Variants in GLRA3 observed in about 807,000 individuals in gnomAD.
The protein encoded by GLRA3 is glycine receptor alpha 3, also known as glycine receptor subunit alpha-3.
A neutral mutation model predicts 60.4 loss-of-function variants in GLRA3; 44 were observed. The ratio of observed to expected loss-of-function variants is 0.73; its 90% CI spans 0.57 to 0.94. The LOEUF (loss-of-function observed/expected upper bound fraction) is 0.94. Ranked by LOEUF, GLRA3 falls within the 40% of genes least tolerant of loss-of-function variation. The probability of loss-of-function intolerance (pLI) is 0.00; values close to 1 mark genes in which losing one functional copy is unlikely to be tolerated. For synonymous variants in GLRA3, 223 were observed against 192.9 expected (o/e 1.16, Z -1.29); for missense variants, 508 against 564.6 (o/e 0.90, Z 1.02).
chr4:174,675,996 T>A (rs1347870407), intron 7 of GLRA3, among the ~76,000 whole-genome samples: 9 of 152,148 alleles, frequency 5.9e-5, no homozygotes, highest in African/African-American at 2.2e-4. Context: ...TAATATGATT[T>A]TATTGCATTG....
intron 3 of GLRA3, among the ~76,000 whole-genome samples, chr4:174,736,454 G>A (rs1736793368): frequency 2.0e-5 from 3 of 152,010 alleles, no homozygotes; most frequent in African/African-American, 7.3e-5. Context: ...AGGAAATCCT[G>A]TATCCAGTTA....
chr4:174,784,005 A>G (rs1306989639), intron 2 of GLRA3, among the ~76,000 whole-genome samples: 14 of 150,476 alleles, frequency 9.3e-5, no homozygotes, highest in Admixed American at 8.6e-4. Context: ...ATGCTGCTAT[A>G]AAGACACATG....
At chr4:174,689,883 A>G (rs1394472938) in intron 5 of GLRA3, among the ~76,000 whole-genome samples, 1 of 151,964 alleles carries the variant, frequency 6.6e-6, no homozygotes, top group Non-Finnish European at 1.5e-5. Flanking sequence ...TTGCCAAGCA[A>G]ATGAAAAACA....
chr4:174,703,344 C>G (rs545372119), intron 5 of GLRA3, among the ~76,000 whole-genome samples: 1 of 152,068 alleles, frequency 6.6e-6, no homozygotes, highest in Non-Finnish European at 1.5e-5. Flanking sequence ...GGGCTTTGAT[C>G]TCAGTATGGT....
Position 174,644,198 on chromosome 4 carries a change from A to C in GLRA3, c.1117-134T>G, listed in dbSNP as rs544493104. The C allele has an allele frequency of 1.9e-4, 119 of 624,242 alleles. No homozygotes were observed. The African/African-American group carries it at 2.1e-3, about 11-fold the overall frequency. The allele number at this position is 624,242 out of a possible 1,614,324, so 38.7% of individuals were successfully genotyped here. On this transcript the variant is annotated intron_variant, in intron 9 of 9. Transcript: ENST00000274093. ...AAGGAAAAGATAACCGAAGCATATA[A>C]AGATGAATTGGTTTTTATTCCCTAT...
intron 5 of GLRA3, among the ~76,000 whole-genome samples, chr4:174,699,976 C>T (rs2111044204): frequency 6.6e-6 from 1 of 151,896 alleles, no homozygotes; most frequent in South Asian, 2.1e-4. Flanking sequence ...GATATGTTTT[C>T]TGTGTCCTAA....
chr4:174,742,478 C>A (rs1737065479), intron 3 of GLRA3, among the ~76,000 whole-genome samples: 1 of 152,142 alleles, frequency 6.6e-6, no homozygotes, highest in East Asian at 1.9e-4. Context: ...AAGAGAATTG[C>A]AAAAATATGT....
At chr4:174,678,429 C>T (rs1038427557) in intron 6 of GLRA3, among the ~76,000 whole-genome samples, 8 of 152,172 alleles carry the variant, frequency 5.3e-5, no homozygotes, top group African/African-American at 1.9e-4. Flanking sequence ...AGAAAGTTAA[C>T]ATTCTGCTCT....
chr4:174,828,422 A>T (rs1453836444), intron 1 of GLRA3, among the ~76,000 whole-genome samples: 1 of 152,230 alleles, frequency 6.6e-6, no homozygotes, highest in East Asian at 1.9e-4. Context: ...CACCCAAATT[A>T]TATAATTCAC....
At chr4:174,682,752 T>A (rs1734402592) in intron 6 of GLRA3, 50 bp downstream of exon 6, 1 of 1,341,906 alleles carries the variant, frequency 7.5e-7, no homozygotes, top group African/African-American at 1.5e-5. Context: ...AACATCTGGA[T>A]ATCATAAAAC....
chr4:174,654,606 C>T (rs143920336), intron 9 of GLRA3, among the ~76,000 whole-genome samples: 12 of 152,246 alleles, frequency 7.9e-5, no homozygotes, highest in Admixed American at 1.3e-4. Flanking sequence ...TGCACTATTA[C>T]ATTGCATTGT....
At chr4:174,658,696 T>C (rs953141214) in intron 8 of GLRA3, among the ~76,000 whole-genome samples, 3 of 152,158 alleles carry the variant, frequency 2.0e-5, no homozygotes, top group Admixed American at 2.0e-4. Flanking sequence ...ACATGAATAA[T>C]TACATTTGAT....
At chr4:174,827,239 C>G (rs2111414120) in intron 1 of GLRA3, among the ~76,000 whole-genome samples, 1 of 151,876 alleles carries the variant, frequency 6.6e-6, no homozygotes, top group East Asian at 1.9e-4. Flanking sequence ...GGACAAAAGT[C>G]AGAGAATCTA....
At chr4:174,700,624 A>G (rs1330143121) in intron 5 of GLRA3, among the ~76,000 whole-genome samples, 1 of 152,224 alleles carries the variant, frequency 6.6e-6, no homozygotes, top group Non-Finnish European at 1.5e-5. Flanking sequence ...CTTAGATAGG[A>G]TGAAAGCTAG....
chr4:174,643,880 G>T lies in GLRA3; in HGVS notation c.1301C>A (p.Ala434Asp). 1 of 1,614,000 alleles carries T rather than the reference G, an allele frequency of 6.2e-7. No homozygotes were observed. Among genetic ancestry groups the T allele is most frequent in the Admixed American group, 1.7e-5 (1 of 60,004 alleles). The stretch of plus-strand genomic sequence containing the variant: ...AATCAAAAAAGCTAATGGGAAGCAG[G>T]CTCGGGAGATGGTATCAATCTTCTT... ...RAKKIDTISR[A>D]CFPLAFLIFN... is the part of the protein sequence containing the mutation. Residue 434 changes from alanine (A) to aspartate (D), a missense_variant, in exon 10 of 10, where the codon GCC (alanine) becomes GAC (aspartate). Physicochemically the swap from Ala to Asp is moderately radical, Grantham distance 126. This residue lies in a region of GLRA3 where 176 missense variants were observed against 197.9 expected (regional missense o/e 0.89). Coordinates refer to ENST00000274093, the MANE Select transcript of GLRA3 (RefSeq NM_006529.4).
chr4:174,769,165 G>GC (rs1561106282), intron 2 of GLRA3, among the ~76,000 whole-genome samples: 1 of 151,774 alleles, frequency 6.6e-6, no homozygotes, highest in African/African-American at 2.4e-5. Context: ...TACATAATAT[G>GC]TTTTTTCTTT....
intron 7 of GLRA3, among the ~76,000 whole-genome samples, chr4:174,665,080 C>G (rs559900829): frequency 1.1e-3 from 169 of 152,212 alleles, no homozygotes; most frequent in African/African-American, 3.4e-3. Context: ...TGTTAGATGG[C>G]AGTGGCCAGG....
chr4:174,772,036 C>A (rs1738410047), intron 2 of GLRA3, among the ~76,000 whole-genome samples: 1 of 152,064 alleles, frequency 6.6e-6, no homozygotes, highest in Admixed American at 6.6e-5. Flanking sequence ...TGTTAGGTAC[C>A]GTCTTTGGAG....
At chr4:174,646,819 A>G (rs1243296166) in intron 9 of GLRA3, among the ~76,000 whole-genome samples, 3 of 152,166 alleles carry the variant, frequency 2.0e-5, no homozygotes, top group Non-Finnish European at 4.4e-5. Context: ...GAGAGTCTGT[A>G]TGACAATTGG....
Sources: gnomAD v4.1 joint callset for allele counts (sites outside exome capture counted in the v4.1 genomes callset) on GRCh38, gnomAD v4.1.1 for gene constraint, gnomAD v4.1.1 regional missense constraint, MANE v1.5 for transcripts, NCBI Gene and HGNC (gene_info 2026-07-23, HGNC 2026-07-21) for gene names.